PRTFDC1: variants seen among roughly 807,000 people sequenced by gnomAD.
The protein encoded by PRTFDC1 is phosphoribosyl transferase domain containing 1, also known as phosphoribosyltransferase domain-containing protein 1.
A neutral mutation model predicts 34.6 loss-of-function variants in PRTFDC1; 38 were observed. The observed-to-expected ratio is 1.10, with a 90% CI of 0.85 to 1.44. The LOEUF is 1.44. Ranked by LOEUF, PRTFDC1 falls within the 40% of genes most tolerant of loss-of-function variation. PRTFDC1 has a pLI of 0.00. For synonymous variants in PRTFDC1, 93 were observed against 98.1 expected (o/e 0.95, Z 0.31); for missense variants, 270 against 283.0 (o/e 0.95, Z 0.33).
intron 3 of PRTFDC1, 138 bp from the exon 4 acceptor site, chr10:24,872,201 T>C: frequency 1.4e-6 from 1 of 707,572 alleles, no homozygotes; most frequent in Non-Finnish European, 2.4e-6. Flanking sequence ...GATTCATGGT[T>C]GCCTATGGTT....
At chr10:24,855,746 G>A (rs933834072) in intron 6 of PRTFDC1, among the ~76,000 whole-genome samples, 3 of 152,172 alleles carry the variant, frequency 2.0e-5, no homozygotes, top group Non-Finnish European at 4.4e-5. Context: ...AGTGAGCCTT[G>A]ATTGCACTAT....
chr10:24,894,919 C>T (rs943314669), intron 3 of PRTFDC1, among the ~76,000 whole-genome samples: 2 of 152,136 alleles, frequency 1.3e-5, no homozygotes, highest in African/African-American at 2.4e-5. Flanking sequence ...TGTCTGGCCC[C>T]ACCCGTGGGT....
chr10:24,929,406 C>T (rs1848938407), intron 3 of PRTFDC1, among the ~76,000 whole-genome samples: 1 of 152,160 alleles, frequency 6.6e-6, no homozygotes, highest in African/African-American at 2.4e-5. Context: ...AATCTCTCGG[C>T]CCTACTGTGG....
intron 3 of PRTFDC1, among the ~76,000 whole-genome samples, chr10:24,923,727 A>G (rs1437745068): frequency 6.6e-6 from 1 of 152,146 alleles, no homozygotes; most frequent in Non-Finnish European, 1.5e-5. Flanking sequence ...AATTCCAAAA[A>G]CCAGAGTTCT....
rs68171097 is a variant in PRTFDC1 at position 24,891,625 on chromosome 10, TA to T, written c.340-19563del. ...CAAGGCAACATGAAACCCAGTCTCT[TA>T]AAAAAAAAAAATTAGCTGTTGTCCC... On this transcript the variant is annotated intron_variant, in intron 3 of 8. Transcript: ENST00000320152. Among the ~76,000 whole-genome samples the T allele has an allele frequency of 9.9e-3, 1,480 of 148,852 alleles. 20 individuals carry two copies. Among genetic ancestry groups the T allele is most frequent in the African/African-American group, 0.028 (1,128 of 40,620 alleles).
chr10:24,871,082 A>G (rs543368274), intron 4 of PRTFDC1, among the ~76,000 whole-genome samples: 6 of 151,198 alleles, frequency 4.0e-5, no homozygotes, highest in Non-Finnish European at 2.9e-5. Flanking sequence ...AAAAAAAAAA[A>G]AAAAAAAAGT....
At chr10:24,910,730 A>G (rs1280784644) in intron 3 of PRTFDC1, among the ~76,000 whole-genome samples, 2 of 152,236 alleles carry the variant, frequency 1.3e-5, no homozygotes, top group African/African-American at 4.8e-5. Context: ...ATAAAAGCTG[A>G]ACTTGAGGCA....
At chr10:24,888,442 A>G (rs535387551) in intron 3 of PRTFDC1, among the ~76,000 whole-genome samples, 1 of 152,196 alleles carries the variant, frequency 6.6e-6, no homozygotes, top group Non-Finnish European at 1.5e-5. Flanking sequence ...TAGGCCCTTG[A>G]TAAAATGTCT....
chr10:24,873,105 T>G (rs1261736531), intron 3 of PRTFDC1, among the ~76,000 whole-genome samples: 1 of 152,106 alleles, frequency 6.6e-6, no homozygotes, highest in African/African-American at 2.4e-5. Context: ...GGATTACAGA[T>G]AGGCGCCACC....
chr10:24,877,619 T>C (rs545370750), intron 3 of PRTFDC1, among the ~76,000 whole-genome samples: 4 of 152,208 alleles, frequency 2.6e-5, no homozygotes, highest in Admixed American at 2.0e-4. Flanking sequence ...TCAGAAATAG[T>C]TTCATTTTAT....
intron 4 of PRTFDC1, among the ~76,000 whole-genome samples, chr10:24,866,225 G>A (rs965716577): frequency 1.3e-5 from 2 of 152,074 alleles, no homozygotes; most frequent in Admixed American, 1.3e-4. Flanking sequence ...GCTGGGTATG[G>A]TGGTGGGCTC....
rs189107523 is a variant in PRTFDC1, at chr10:24,927,674, T to C, written c.339+9510A>G. On this transcript the variant is annotated intron_variant, in intron 3 of 8. Coordinates refer to ENST00000320152, the MANE Select transcript of PRTFDC1 (RefSeq NM_020200.7). ...TTGGCTCACTGCAACCTCCACCTCC[T>C]GGGTTCAAGAGATTCTCCTGCCTCA... 2.0e-4 allele frequency among the ~76,000 whole-genome samples: 30 copies of C among 150,352 alleles called. No individual in the cohort carries two copies. In the East Asian group the frequency reaches 5.9e-3, roughly 30 times the overall value.
chr10:24,872,774 A>ATGTG (rs778426676), intron 3 of PRTFDC1, among the ~76,000 whole-genome samples: 61 of 87,404 alleles, frequency 7.0e-4, no homozygotes, highest in Middle Eastern at 5.8e-3. Flanking sequence ...GTGTATATAT[A>ATGTG]TATGTGTGTG....
intron 3 of PRTFDC1, among the ~76,000 whole-genome samples, chr10:24,915,400 A>G (rs182767835): frequency 3.9e-5 from 6 of 152,262 alleles, no homozygotes; most frequent in African/African-American, 1.4e-4. Flanking sequence ...GTAAAATCAG[A>G]GCTTCTTATG....
intron 7 of PRTFDC1, 38 bp downstream of exon 7, chr10:24,855,276 AAAAC>A (rs747500150): frequency 1.2e-4 from 189 of 1,568,194 alleles, no homozygotes; most frequent in South Asian, 2.9e-4. Context: ...CCATAAGCAC[AAAAC>A]AAACAAACAA....
intron 8 of PRTFDC1, among the ~76,000 whole-genome samples, 182 bp from the exon 9 acceptor site, chr10:24,850,073 C>T (rs569495540): frequency 3.6e-4 from 55 of 152,130 alleles, no homozygotes; most frequent in Middle Eastern, 3.4e-3. Flanking sequence ...GACAAAAGGT[C>T]CTTTGTGGTT....
intron 5 of PRTFDC1, among the ~76,000 whole-genome samples, chr10:24,857,481 C>CTGGACAGCAG (rs1847600373): frequency 6.6e-6 from 1 of 152,180 alleles, no homozygotes; most frequent in Non-Finnish European, 1.5e-5. Flanking sequence ...CTGGTGACAG[C>CTGGACAGCAG]CTGTGAATTC....
chr10:24,884,642 G>T (rs1848133925), intron 3 of PRTFDC1, among the ~76,000 whole-genome samples: 2 of 152,322 alleles, frequency 1.3e-5, no homozygotes, highest in African/African-American at 4.8e-5. Context: ...TTCTGTAACA[G>T]ATTGAGCTAA....
At chr10:24,871,281 T>G (rs1847863941) in intron 4 of PRTFDC1, among the ~76,000 whole-genome samples, 2 of 152,092 alleles carry the variant, frequency 1.3e-5, no homozygotes, top group Non-Finnish European at 2.9e-5. Context: ...ACAAGCTAGG[T>G]CAGTACGGCT....
Sources: gnomAD v4.1 joint callset for allele counts (sites outside exome capture counted in the v4.1 genomes callset) on GRCh38, gnomAD v4.1.1 for gene constraint, MANE v1.5 for transcripts, NCBI Gene and HGNC (gene_info 2026-07-23, HGNC 2026-07-21) for gene names.